AGBL4: variants seen among roughly 807,000 people sequenced by gnomAD.
AGBL4 encodes AGBL carboxypeptidase 4, also known as cytosolic carboxypeptidase 6.
A neutral mutation model predicts 66.4 loss-of-function variants in AGBL4; 58 were observed. That is an observed-to-expected ratio of 0.87 (90% CI 0.71 to 1.09). The LOEUF (loss-of-function observed/expected upper bound fraction) is 1.09, where lower values mean the gene tolerates loss of function less well. Ranked by LOEUF, AGBL4 falls within the 50% of genes least tolerant of loss-of-function variation. The pLI is 0.00. For missense variants in AGBL4, 579 were observed against 631.0 expected, an observed-to-expected ratio of 0.92 and a Z score of 0.88; for synonymous variants, 234 against 222.9, an observed-to-expected ratio of 1.05 and a Z score of -0.44.
intron 6 of AGBL4, among the ~76,000 whole-genome samples, chr1:48,741,351 T>G (rs1243353662): frequency 6.6e-6 from 1 of 152,210 alleles, no homozygotes. Flanking sequence ...GAAGGATCTT[T>G]GCAAGGTCAC....
intron 2 of AGBL4, among the ~76,000 whole-genome samples, chr1:49,787,520 A>T (rs80226014): frequency 6.6e-6 from 1 of 151,470 alleles, no homozygotes; most frequent in Non-Finnish European, 1.5e-5. Flanking sequence ...AAAAAAAAAA[A>T]TTGAAACCAA....
At chr1:48,620,837 G>C (rs1001607915) in intron 9 of AGBL4, among the ~76,000 whole-genome samples, 1 of 151,980 alleles carries the variant, frequency 6.6e-6, no homozygotes, top group Non-Finnish European at 1.5e-5. Flanking sequence ...GTGTGTATGT[G>C]GTGTTTTTTT....
rs371692991 is a variant in AGBL4 at position 48,546,217 on chromosome 1, C to CAG, written c.1268-6481_1268-6480dup. Among the ~76,000 whole-genome samples, 9 of 152,322 alleles carry CAG rather than the reference C, an allele frequency of 5.9e-5. 1 individual carries two copies. Among genetic ancestry groups the CAG allele is most frequent in the African/African-American group, 1.9e-4 (8 of 41,560 alleles). ...TTTCACAGATGAGGAAATTGAAAATCAGAGAGTTTACATAACTAATTCAGA... is the reference window on the plus strand; with the variant it reads ...TTTCACAGATGAGGAAATTGAAAATCAGAGAGAGTTTACATAACTAATTCAGA... On this transcript the variant is annotated intron_variant, in intron 11 of 13. Transcript: ENST00000371839.
intron 5 of AGBL4, among the ~76,000 whole-genome samples, chr1:48,996,817 C>CCTTCCTTCCTT (rs1553137069): frequency 2.7e-5 from 4 of 147,756 alleles, no homozygotes; most frequent in African/African-American, 1.0e-4. Flanking sequence ...CTTCCTTCCT[C>CCTTCCTTCCTT]CCTTCCTTCC....
chr1:49,107,694 T>TGTGTGTGAGAGAGAGA (rs764451269), intron 4 of AGBL4, among the ~76,000 whole-genome samples: 1 of 113,942 alleles, frequency 8.8e-6, no homozygotes, highest in Non-Finnish European at 1.7e-5. Flanking sequence ...TGTGTGTGTG[T>TGTGTGTGAGAGAGAGA]GAGAGAGAGA....
chr1:49,142,929 A>G (rs375068857), intron 4 of AGBL4, among the ~76,000 whole-genome samples: 1 of 152,186 alleles, frequency 6.6e-6, no homozygotes, highest in Non-Finnish European at 1.5e-5. Flanking sequence ...AGATATTCCA[A>G]TACTTACATA....
At chr1:48,628,862 C>T (rs1488347677) in intron 9 of AGBL4, among the ~76,000 whole-genome samples, 1 of 125,020 alleles carries the variant, frequency 8.0e-6, no homozygotes, top group East Asian at 2.7e-4. Flanking sequence ...CTTTCAGCCC[C>T]ACGTTTCCAA....
chr1:49,181,037 G>A (rs1459867823), intron 4 of AGBL4, among the ~76,000 whole-genome samples: 1 of 152,110 alleles, frequency 6.6e-6, no homozygotes, highest in Non-Finnish European at 1.5e-5. Flanking sequence ...TGTTTCCAGT[G>A]GGTCTTTTCA....
At chr1:49,419,344 GACA>G (rs1322533832) in intron 3 of AGBL4, among the ~76,000 whole-genome samples, 1 of 152,070 alleles carries the variant, frequency 6.6e-6, no homozygotes, top group Non-Finnish European at 1.5e-5. Context: ...CTGAAATCTT[GACA>G]ACAATTCTGT....
At chr1:49,769,247 C>A (rs989247596) in intron 2 of AGBL4, among the ~76,000 whole-genome samples, 6 of 151,900 alleles carry the variant, frequency 3.9e-5, no homozygotes, top group African/African-American at 1.5e-4. Flanking sequence ...CATACACAAA[C>A]AAACACCTAG....
intron 1 of AGBL4, among the ~76,000 whole-genome samples, chr1:49,930,537 T>G (rs979807188): frequency 6.6e-6 from 1 of 152,166 alleles, no homozygotes; most frequent in African/African-American, 2.4e-5. Context: ...CTAAATAAAC[T>G]TTTCACAAAT....
At chr1:48,765,622 A>AT (rs150108402) in intron 6 of AGBL4, among the ~76,000 whole-genome samples, 34 of 152,356 alleles carry the variant, frequency 2.2e-4, no homozygotes, top group African/African-American at 7.9e-4. Context: ...ACAAATGTTC[A>AT]TAACAGCATT....
At chr1:49,443,642 T>C (rs1646087896) in intron 3 of AGBL4, among the ~76,000 whole-genome samples, 2 of 151,968 alleles carry the variant, frequency 1.3e-5, no homozygotes, top group South Asian at 2.1e-4. Flanking sequence ...TTTATACTAA[T>C]ACCACGCTCT....
intron 4 of AGBL4, among the ~76,000 whole-genome samples, chr1:49,126,155 G>A (rs1341116629): frequency 6.6e-6 from 1 of 152,070 alleles, no homozygotes; most frequent in Non-Finnish European, 1.5e-5. Flanking sequence ...GATAGGGCTT[G>A]GTTATACGAT....
At chr1:48,616,098 T>C (rs571131983) in intron 9 of AGBL4, among the ~76,000 whole-genome samples, 7 of 152,208 alleles carry the variant, frequency 4.6e-5, no homozygotes, top group Admixed American at 3.9e-4. Flanking sequence ...TTTCAGCATA[T>C]GGATTTTGGA....
chr1:49,503,936 T>G (rs543167236), intron 3 of AGBL4, among the ~76,000 whole-genome samples: 7 of 152,266 alleles, frequency 4.6e-5, no homozygotes, highest in Non-Finnish European at 1.0e-4. Context: ...TGGAAAGGCA[T>G]GATTGTGTTT....
intron 3 of AGBL4, among the ~76,000 whole-genome samples, chr1:49,455,729 T>G (rs1646373304): frequency 6.6e-6 from 1 of 151,608 alleles, no homozygotes. Context: ...CTTCATATTA[T>G]CTAGCCATCT....
At chr1:49,536,731 A>G (rs1165904388) in intron 3 of AGBL4, among the ~76,000 whole-genome samples, 1 of 152,216 alleles carries the variant, frequency 6.6e-6, no homozygotes, top group Non-Finnish European at 1.5e-5. Context: ...CAGAATAGAG[A>G]ACCCAGAAAT....
intron 4 of AGBL4, among the ~76,000 whole-genome samples, chr1:49,087,920 T>C (rs751462275): frequency 1.2e-4 from 18 of 152,332 alleles, no homozygotes; most frequent in Non-Finnish European, 2.4e-4. Context: ...CAGAAGAGAC[T>C]GAGGGTCTCT....
Sources: gnomAD v4.1 joint callset for allele counts (sites outside exome capture counted in the v4.1 genomes callset) on GRCh38, gnomAD v4.1.1 for gene constraint, MANE v1.5 for transcripts, NCBI Gene and HGNC (gene_info 2026-07-23, HGNC 2026-07-21) for gene names.